DMRT1: variants seen among roughly 807,000 people sequenced by gnomAD.
The protein encoded by DMRT1 is doublesex- and mab-3-related transcription factor 1.
A neutral mutation model predicts 32.3 loss-of-function variants in DMRT1; 7 were observed. That is an observed-to-expected ratio of 0.22 (90% CI 0.12 to 0.41). The LOEUF is 0.41. Among genes scored for constraint, DMRT1 ranks in the 10% least tolerant of loss-of-function variants. The pLI, the probability that DMRT1 is intolerant of heterozygous loss-of-function variation, is 1.00. For synonymous variants in DMRT1, 278 were observed against 206.1 expected, an observed-to-expected ratio of 1.35 and a Z score of -2.99; for missense variants, 625 against 500.5, an observed-to-expected ratio of 1.25 and a Z score of -2.37.
At chr9:877,817 T>A (rs1179747982) in intron 2 of DMRT1, among the ~76,000 whole-genome samples, 2 of 149,740 alleles carry the variant, frequency 1.3e-5, no homozygotes, top group Non-Finnish European at 2.9e-5. Context: ...TGATTATTTT[T>A]CCTTTATTTT....
Position 877,967 on chromosome 9 carries a change from A to G in DMRT1, c.539-15945A>G, listed in dbSNP as rs531198988. The stretch of plus-strand genomic sequence containing the variant: ...CCATTAAAGTACTGGAGGTCAGAAA[A>G]GCTTCCTTCACAAATTTGGTTAGGT... On this transcript the variant is annotated intron_variant, in intron 2 of 4. Transcript: ENST00000382276. 1.1e-4 allele frequency among the ~76,000 whole-genome samples: 17 copies of G among 152,286 alleles called. No individual in the cohort carries two copies. The East Asian group carries it at 3.1e-3, about 28-fold the overall frequency.
chr9:919,320 G>T (rs1211470765), intron 4 of DMRT1, among the ~76,000 whole-genome samples: 1 of 146,552 alleles, frequency 6.8e-6, no homozygotes, highest in Non-Finnish European at 1.5e-5. Context: ...ATAAATTTAA[G>T]CTTAGCTTCT....
intron 4 of DMRT1, among the ~76,000 whole-genome samples, chr9:921,571 T>A (rs1818355548): frequency 1.3e-5 from 2 of 152,254 alleles, no homozygotes; most frequent in East Asian, 3.9e-4. Flanking sequence ...CATGTTACTG[T>A]TTTTCACAGC....
intron 4 of DMRT1, among the ~76,000 whole-genome samples, chr9:920,788 G>T (rs1204783756): frequency 1.3e-5 from 2 of 152,178 alleles, no homozygotes; most frequent in Admixed American, 1.3e-4. Context: ...TGCTGTAGGG[G>T]TGACCCTGAG....
intron 4 of DMRT1, among the ~76,000 whole-genome samples, chr9:933,259 G>A (rs1270276606): frequency 6.6e-6 from 1 of 152,102 alleles, no homozygotes; most frequent in Non-Finnish European, 1.5e-5. Flanking sequence ...TCTTTCGGGC[G>A]ACCAGCCCCC....
chr9:862,394 G>C (rs532382966), intron 2 of DMRT1, among the ~76,000 whole-genome samples: 62 of 151,830 alleles, frequency 4.1e-4, no homozygotes, highest in African/African-American at 1.4e-3. Context: ...CCAGGCACGC[G>C]GCAGGCTGAG....
At position 872,696 on chromosome 9, in the gene DMRT1, A is replaced by C. The variant is rs139651082; in HGVS notation, c.539-21216A>C. Among the ~76,000 whole-genome samples the C allele has an allele frequency of 3.3e-5, 5 of 152,334 alleles. No homozygotes were observed. In the East Asian group the frequency reaches 9.6e-4, roughly 29 times the overall value. ...TTACTTATCAGTATTTTATTGTATG[A>C]ATATACAACATTTCGTTTACTCATC... is the stretch of plus-strand genomic sequence containing the variant. On this transcript the variant is annotated intron_variant, in intron 2 of 4. Transcript: ENST00000382276.
At chr9:844,678 A>G (rs1838823280) in intron 1 of DMRT1, among the ~76,000 whole-genome samples, 1 of 151,648 alleles carries the variant, frequency 6.6e-6, no homozygotes, top group African/African-American at 2.4e-5. Flanking sequence ...TGGTTTTCCT[A>G]AAACAACATA....
At chr9:905,478 G>GTGTGTGTC (rs756359338) in intron 3 of DMRT1, among the ~76,000 whole-genome samples, 9 of 119,302 alleles carry the variant, frequency 7.5e-5, no homozygotes, top group African/African-American at 1.2e-4. Context: ...TTGCCCCTGT[G>GTGTGTGTC]TGTGTGTGTC....
intron 2 of DMRT1, among the ~76,000 whole-genome samples, chr9:883,948 G>A (rs943464610): frequency 6.6e-6 from 1 of 152,124 alleles, no homozygotes; most frequent in African/African-American, 2.4e-5. Context: ...AGCTAAGTAG[G>A]ACAAACACCA....
chr9:852,257 C>A (rs1223581769), intron 2 of DMRT1, among the ~76,000 whole-genome samples: 2 of 148,246 alleles, frequency 1.3e-5, no homozygotes, highest in Non-Finnish European at 1.5e-5. Flanking sequence ...TATTGATAAG[C>A]AAATAGTTTA....
In DMRT1 at chr9:846,948, G is replaced by T. The variant is rs764278494; in HGVS notation, c.355-12G>T. The stretch of plus-strand genomic sequence containing the variant: ...GAGTGCTGGAGGATGACTCATTGTC[G>T]TGTGCTTCCAGGTGGCCCTGAGAAG... On this transcript the variant is annotated splice_polypyrimidine_tract_variant and intron_variant, in intron 1 of 4. Coordinates refer to ENST00000382276, the MANE Select transcript of DMRT1 (RefSeq NM_021951.3). The T allele has an allele frequency of 4.3e-6, 7 of 1,613,936 alleles. No individual in the cohort carries two copies. The highest frequency in any genetic ancestry group is 3.3e-5 in the South Asian group (3 of 91,086).
intron 4 of DMRT1, among the ~76,000 whole-genome samples, chr9:954,046 T>C (rs72701052): frequency 9.2e-4 from 140 of 151,728 alleles, no homozygotes; most frequent in Admixed American, 1.4e-3. Flanking sequence ...GCTGTGGAGA[T>C]TGGGGAAAGT....
intron 1 of DMRT1, among the ~76,000 whole-genome samples, chr9:843,380 G>A (rs1354658892): frequency 6.6e-6 from 1 of 152,228 alleles, no homozygotes; most frequent in Non-Finnish European, 1.5e-5. Context: ...GCCATTTTGA[G>A]AGCTCTGGAA....
intron 2 of DMRT1, among the ~76,000 whole-genome samples, chr9:890,612 A>C (rs539449315): frequency 1.3e-5 from 2 of 152,130 alleles, no homozygotes; most frequent in Non-Finnish European, 2.9e-5. Context: ...CAGCCAGTGG[A>C]TGGTTTCTGG....
At chr9:866,761 C>T (rs1331820380) in intron 2 of DMRT1, among the ~76,000 whole-genome samples, 1 of 152,208 alleles carries the variant, frequency 6.6e-6, no homozygotes, top group African/African-American at 2.4e-5. Context: ...ACCCCAGGAG[C>T]TGCTACCTTG....
intron 4 of DMRT1, among the ~76,000 whole-genome samples, chr9:925,286 G>C (rs1032756588): frequency 6.6e-5 from 10 of 152,170 alleles, no homozygotes; most frequent in Non-Finnish European, 1.0e-4. Flanking sequence ...TTGGAGTTAG[G>C]TATTCCAGTG....
Position 965,289 on chromosome 9 carries a change from A to G in DMRT1, c.968-2696A>G, listed in dbSNP as rs1043938608. ...ACAATGCTAAGCCTTGAACAAATGT[A>G]AAAATAGCATGGGTTTAAATTTTGA... On this transcript the variant is annotated intron_variant, in intron 4 of 4. Transcript: ENST00000382276. This position sits in a 1 kb window ranked among gnomAD's most constrained non-coding sequence, Gnocchi z 4.5. 6.6e-6 allele frequency among the ~76,000 whole-genome samples: 1 copy of G among 152,240 alleles called. No homozygotes were observed. The highest frequency in any genetic ancestry group is 6.5e-5 in the Admixed American group (1 of 15,288).
chr9:877,070 T>A lies in DMRT1; in HGVS notation c.539-16842T>A, dbSNP rs12004956. On this transcript the variant is annotated intron_variant, in intron 2 of 4. Transcript: ENST00000382276. ...CCTCTCTGGGTGTAGAAACAAGGGA[T>A]GAAATTACCTCCAAGGACTTCTCTG... is the stretch of plus-strand genomic sequence containing the variant. Among the ~76,000 whole-genome samples, 203 of 149,576 alleles carry A rather than the reference T, an allele frequency of 1.4e-3. 2 individuals are homozygous for A. The highest frequency in any genetic ancestry group is 4.7e-3 in the African/African-American group (187 of 39,930).
Sources: gnomAD v4.1 joint callset for allele counts (sites outside exome capture counted in the v4.1 genomes callset) on GRCh38, gnomAD v4.1.1 for gene constraint, Gnocchi (gnomAD v3.1) non-coding constraint, MANE v1.5 for transcripts, NCBI Gene and HGNC (gene_info 2026-07-23, HGNC 2026-07-21) for gene names.